The following TASOR variants were observed in gnomAD, a reference collection of about 807,000 sequenced individuals.
TASOR encodes the protein transcription activation suppressor.
TASOR carries 53 observed loss-of-function variants against 178.6 expected under a neutral mutation model. The observed-to-expected ratio is 0.30, with a 90% confidence interval of 0.24 to 0.37. The LOEUF (loss-of-function observed/expected upper bound fraction) is 0.37, where lower values mean the gene tolerates loss of function less well. Ranked by LOEUF, TASOR falls within the 10% of genes least tolerant of loss-of-function variation. The probability of loss-of-function intolerance (pLI) is 1.00; values close to 1 mark genes in which losing one functional copy is unlikely to be tolerated. For synonymous variants in TASOR, 713 were observed against 696.2 expected (o/e 1.02, Z -0.38); for missense variants, 1,815 against 1,971.4 (o/e 0.92, Z 1.50).
chr3:56,681,959 A>G (rs989874638), intron 1 of TASOR, among the ~76,000 whole-genome samples: 5 of 152,200 alleles, frequency 3.3e-5, no homozygotes, highest in Admixed American at 3.3e-4. Context: ...GTAACTTCTC[A>G]TTAGTTTTTT....
At chr3:56,637,810 T>G (rs1392456881) in intron 17 of TASOR, among the ~76,000 whole-genome samples, 1 of 152,000 alleles carries the variant, frequency 6.6e-6, no homozygotes, top group Non-Finnish European at 1.5e-5. Context: ...ACCACCAAAC[T>G]GTAAACAAGA....
chr3:56,633,896 T>C lies in TASOR; in HGVS notation c.2895A>G (p.Val965=), dbSNP rs1009169236. The change falls in exon 18 of 24, where the codon GTA becomes GTG. Residue 965 remains valine, a synonymous_variant. Coordinates refer to ENST00000683822, the MANE Select transcript of TASOR (RefSeq NM_001365635.2). Reference sequence around the variant, plus strand: ...AATCAGAACTTCTCTGTCTATTTATTACCCGGGGGTCGTTAGGAAAGGCCT... The same window carrying C: ...AATCAGAACTTCTCTGTCTATTTATCACCCGGGGGTCGTTAGGAAAGGCCT... ...PQEAFPNDPR[V]INRQRSSDYQ... 15 of 1,585,982 alleles carry C rather than the reference T, an allele frequency of 9.5e-6. No homozygotes were observed. The African/African-American group carries it at 1.9e-4, about 20-fold the overall frequency.
Position 56,633,603 on chromosome 3 carries a change from T to G in TASOR, c.3188A>C (p.Glu1063Ala). Residue 1063 changes from glutamate (E) to alanine (A), a missense_variant, in exon 18 of 24, where the codon GAG becomes GCG. By Grantham distance (107) the Glu-to-Ala change is moderately radical. Transcript: ENST00000683822. ...TTTGGAAGTCTTAGAATATATGAAC[T>G]CGGAAAGCCGTTTCATCTTCTCTTG... ...STQEKMKRLS[E>A]FIYSKTSKAG... 1.2e-6 allele frequency: 2 copies of G among 1,614,026 alleles called. No individual in the cohort carries two copies. Among genetic ancestry groups the G allele is most frequent in the Non-Finnish European group, 1.7e-6 (2 of 1,180,010 alleles).
chr3:56,645,023 C>T (rs1252274365), intron 14 of TASOR, among the ~76,000 whole-genome samples: 3 of 152,280 alleles, frequency 2.0e-5, no homozygotes, highest in Admixed American at 1.3e-4. Context: ...ACTGTAATCC[C>T]AGCACTTTGG....
At chr3:56,675,154 C>G (rs1469234100) in intron 1 of TASOR, among the ~76,000 whole-genome samples, 1 of 150,890 alleles carries the variant, frequency 6.6e-6, no homozygotes, top group African/African-American at 2.4e-5. Context: ...CTCCACATCC[C>G]CAACCATTCT....
At chr3:56,630,622 T>A (rs2076889260) in intron 18 of TASOR, among the ~76,000 whole-genome samples, 2 of 152,116 alleles carry the variant, frequency 1.3e-5, no homozygotes, top group African/African-American at 4.8e-5. Context: ...GGCGGGCACA[T>A]CACCTAAGGT....
In TASOR at chr3:56,658,830, C is replaced by T. The variant is rs112019794; in HGVS notation, c.1368+1901G>A. On this transcript the variant is annotated intron_variant, in intron 11 of 23. Transcript: ENST00000683822. ...GCTGAGGCAGGAGAATCGCTTGAAC[C>T]CGGAAGGTTGAACCCGGAGGTTGCA... 4.8e-3 allele frequency among the ~76,000 whole-genome samples: 729 copies of T among 152,026 alleles called. 9 individuals carry two copies. The highest frequency in any genetic ancestry group is 0.016 in the African/African-American group (683 of 41,458).
At chr3:56,638,854 A>C in intron 16 of TASOR, 89 bp from the exon 17 acceptor site, 1 of 1,239,292 alleles carries the variant, frequency 8.1e-7, no homozygotes, top group Non-Finnish European at 1.2e-6. Context: ...ATAACAATGC[A>C]AGCATTCCTT....
intron 17 of TASOR, among the ~76,000 whole-genome samples, chr3:56,635,665 A>G (rs2077002137): frequency 6.6e-6 from 1 of 152,200 alleles, no homozygotes; most frequent in South Asian, 2.1e-4. Context: ...TTTATTAGAC[A>G]TGGGGCCTCA....
chr3:56,623,574 T>TA lies in TASOR; in HGVS notation c.4484-9dup. ...CATCGTTTTCTAAAAGAGCTACATT[T>TA]AAAAAACAAAAAGTCCTCCTCTATT... On this transcript the variant is annotated splice_polypyrimidine_tract_variant and intron_variant, in intron 23 of 23. Coordinates refer to ENST00000683822, the MANE Select transcript of TASOR (RefSeq NM_001365635.2). 6.4e-7 allele frequency: 1 copy of TA among 1,557,706 alleles called. No individual in the cohort carries two copies. Among genetic ancestry groups the TA allele is most frequent in the Non-Finnish European group, 8.6e-7 (1 of 1,161,778 alleles).
At chr3:56,630,108 G>A (rs557640689) in intron 18 of TASOR, among the ~76,000 whole-genome samples, 96 of 152,116 alleles carry the variant, frequency 6.3e-4, no homozygotes, top group Admixed American at 1.9e-3. Context: ...TGGGACTACA[G>A]GCACCCACCA....
intron 14 of TASOR, 120 bp downstream of exon 14, chr3:56,646,402 T>A (rs1278030080): frequency 3.9e-6 from 3 of 772,856 alleles, no homozygotes; most frequent in Non-Finnish European, 6.1e-6. Context: ...CAACTTTCTT[T>A]ACAAAAATAG....
At chr3:56,641,000 C>T (rs183164464) in intron 15 of TASOR, among the ~76,000 whole-genome samples, 2 of 152,112 alleles carry the variant, frequency 1.3e-5, no homozygotes. Context: ...CTGTTACTGC[C>T]GACAGAAAGC....
chr3:56,647,686 C>T (rs1274997688), intron 13 of TASOR, among the ~76,000 whole-genome samples: 1 of 152,150 alleles, frequency 6.6e-6, no homozygotes, highest in Non-Finnish European at 1.5e-5. Context: ...AGAAACTCAT[C>T]CTTAATCCAA....
At chr3:56,679,242 T>TA (rs1206246997) in intron 1 of TASOR, among the ~76,000 whole-genome samples, 1 of 151,958 alleles carries the variant, frequency 6.6e-6, no homozygotes, top group Non-Finnish European at 1.5e-5. Context: ...TTCTTCATTC[T>TA]AAAAAAAATT....
intron 1 of TASOR, among the ~76,000 whole-genome samples, chr3:56,681,611 TG>T (rs1201338807): frequency 6.6e-6 from 1 of 152,110 alleles, no homozygotes; most frequent in Non-Finnish European, 1.5e-5. Context: ...ACCAGATGGA[TG>T]GAAAAGATAC....
chr3:56,637,001 G>A (rs942384719), intron 17 of TASOR, among the ~76,000 whole-genome samples: 11 of 152,014 alleles, frequency 7.2e-5, no homozygotes, highest in South Asian at 2.1e-4. Context: ...GTAAAACCCC[G>A]AAATCAGAAA....
At position 56,682,725 on chromosome 3, in the gene TASOR, C is replaced by A. The variant is rs1172195191; in HGVS notation, c.282G>T (p.Arg94Ser). The change falls in exon 1 of 24, where the codon AGG becomes AGT. Residue 94 changes from arginine (R) to serine (S), a missense_variant. By Grantham distance (110) the Arg-to-Ser change is moderately radical. Transcript: ENST00000683822. ...ALPRGPEEPERPVRRSFQIPR... is the reference protein window; with the variant it reads ...ALPRGPEEPESPVRRSFQIPR... The stretch of plus-strand genomic sequence containing the variant: ...GGATCTGAAAACTCCTCCTAACAGG[C>A]CTTTCGGGCTCTTCGGGGCCTCTGG... The A allele has an allele frequency of 5.3e-6, 8 of 1,508,396 alleles. No homozygotes were observed. The highest frequency in any genetic ancestry group is 1.4e-5 in the African/African-American group (1 of 70,784). The allele number at this position is 1,508,396 out of a possible 1,614,324, so 93.4% of individuals were successfully genotyped here.
intron 1 of TASOR, 143 bp from the exon 2 acceptor site, chr3:56,673,868 A>G: frequency 4.3e-6 from 3 of 693,866 alleles, no homozygotes; most frequent in South Asian, 4.7e-5. Context: ...CGCAAAAGAG[A>G]TACTTATTAA....
Sources: allele counts gnomAD v4.1 joint callset (sites outside exome capture counted in the v4.1 genomes callset), GRCh38; gene constraint gnomAD v4.1.1; transcripts MANE v1.5; gene names NCBI Gene and HGNC (gene_info 2026-07-23, HGNC 2026-07-21).